WDR1: variants seen among roughly 807,000 people sequenced by gnomAD.
The protein encoded by WDR1 is WD repeat-containing protein 1.
In WDR1, 21 loss-of-function variants were observed where a neutral mutation model predicts 71.9. The observed-to-expected ratio is 0.29, with a 90% confidence interval of 0.21 to 0.42. The LOEUF is 0.42. WDR1 is among the 10% of genes least tolerant of loss of function. WDR1 has a pLI of 1.00. For missense variants in WDR1, 696 were observed against 824.5 expected (o/e 0.84, Z 1.91); for synonymous variants, 424 against 347.4 (o/e 1.22, Z -2.45).
chr4:10,086,255 C>T (rs1024022385), intron 8 of WDR1, among the ~76,000 whole-genome samples: 1 of 152,230 alleles, frequency 6.6e-6, no homozygotes, highest in African/African-American at 2.4e-5. Flanking sequence ...CCATGCTGTG[C>T]GTGCCTTCCT....
At chr4:10,086,839 C>T (rs1052929924) in intron 8 of WDR1, among the ~76,000 whole-genome samples, 8 of 152,206 alleles carry the variant, frequency 5.3e-5, no homozygotes, top group African/African-American at 1.7e-4. Flanking sequence ...GGGCCACCAG[C>T]GCTGGGGGAA....
At chr4:10,097,930 A>T (rs1295137223) in intron 4 of WDR1, 39 bp from the exon 5 acceptor site, 2 of 1,506,396 alleles carry the variant, frequency 1.3e-6, no homozygotes, top group East Asian at 2.4e-5. Flanking sequence ...AAAAAAAAAA[A>T]AAAAAATCAA....
intron 9 of WDR1, chr4:10,083,576 C>T (rs755896273): frequency 5.4e-5 from 26 of 477,074 alleles, no homozygotes; most frequent in Admixed American, 1.6e-4. Flanking sequence ...CCTTGGGTCC[C>T]GGACAGTCCC....
rs1030701749 is a variant in WDR1 at position 10,098,875 on chromosome 4, C to T, written c.377+117G>A. The T allele has an allele frequency of 1.3e-5, 19 of 1,472,448 alleles. No individual in the cohort carries two copies. In the East Asian group the frequency reaches 4.1e-4, roughly 32 times the overall value. 91.2% of individuals were successfully genotyped at this position (1,472,448 alleles called of 1,614,324 possible). A position where few individuals can be genotyped will look rare whatever the true frequency, so the allele number is the denominator to read the frequency against. ...CGGGGCCCGGCACCTACTGGGAGCT[C>T]AACCCTCACGAGTGCAAGTTAGTAC... On this transcript the variant is annotated intron_variant, in intron 4 of 14. Transcript: ENST00000499869.
At chr4:10,110,353 T>C (rs1368775959) in intron 2 of WDR1, among the ~76,000 whole-genome samples, 1 of 152,210 alleles carries the variant, frequency 6.6e-6, no homozygotes, top group Non-Finnish European at 1.5e-5. Context: ...CAACTACTCT[T>C]GGGCAAGGCC....
rs1267768305 is a variant in WDR1, at chr4:10,087,784, G to T, written c.874C>A (p.Leu292Met). 3.7e-6 allele frequency: 6 copies of T among 1,600,096 alleles called. No homozygotes were observed. The highest frequency in any genetic ancestry group is 1.7e-5 in the Admixed American group (1 of 57,974). The stretch of plus-strand genomic sequence containing the variant: ...TACCCGGACAGGGAGACACTGAGCA[G>T]GTGGTCCTTCTGCCATAGGCAGCCC... ...QLGCLWQKDH[L>M]LSVSLSGYIN... Residue 292 changes from leucine to methionine, a missense_variant, in exon 8 of 15, where the codon CTG becomes ATG. By Grantham distance (15) the Leu-to-Met change is conservative. Transcript: ENST00000499869.
rs765236300 is a variant in WDR1, at chr4:10,077,365, G to A, written c.1653C>T (p.Gly551=). Residue 551 remains glycine (G), a synonymous_variant, in exon 14 of 15, where the codon GGC becomes GGT. Coordinates refer to ENST00000499869, the MANE Select transcript of WDR1 (RefSeq NM_017491.5). ...SPDNEHFASG[G]MDMMVYVWTL... is the part of the protein sequence containing the mutation. ...TCCAAACATACACCATCATGTCCATGCCACCGGAGGCAAAGTGTTCATTGT... is the reference window on the plus strand; with the variant it reads ...TCCAAACATACACCATCATGTCCATACCACCGGAGGCAAAGTGTTCATTGT... 6.2e-7 allele frequency: 1 copy of A among 1,613,988 alleles called. No homozygotes were observed. Among genetic ancestry groups the A allele is most frequent in the Non-Finnish European group, 8.5e-7 (1 of 1,179,876 alleles).
chr4:10,116,355 C>A (rs766334645), intron 1 of WDR1, 121 bp from the exon 2 acceptor site: 3 of 1,415,744 alleles, frequency 2.1e-6, no homozygotes, highest in Non-Finnish European at 2.9e-6. Context: ...GGGAGGGCGG[C>A]CTCCACTTTC....
In WDR1 at chr4:10,087,697, C is replaced by T. The variant is rs773122183; in HGVS notation, c.951+10G>A. The stretch of plus-strand genomic sequence containing the variant: ...CCAGCGGGCAGAGCCTTCCCCAGGG[C>T]AGGCCTTACCTTGATGACGTGCAGG... On this transcript the variant is annotated intron_variant, in intron 8 of 14. Transcript: ENST00000499869. The T allele has an allele frequency of 4.1e-5, 64 of 1,573,350 alleles. No homozygotes were observed. Among genetic ancestry groups the T allele is most frequent in the Middle Eastern group, 1.8e-4 (1 of 5,684 alleles).
intron 10 of WDR1, among the ~76,000 whole-genome samples, chr4:10,082,525 C>T (rs1560529887): frequency 6.6e-6 from 1 of 152,240 alleles, no homozygotes; most frequent in Non-Finnish European, 1.5e-5. Context: ...CCTAGCTCCA[C>T]TGACTGCCAA....
chr4:10,103,315 C>T (rs1015789639), intron 3 of WDR1, among the ~76,000 whole-genome samples: 1 of 151,610 alleles, frequency 6.6e-6, no homozygotes, highest in Non-Finnish European at 1.5e-5. Context: ...CACACACACA[C>T]ACACACACGG....
chr4:10,107,136 T>C (rs1713070703), intron 2 of WDR1, among the ~76,000 whole-genome samples: 2 of 152,132 alleles, frequency 1.3e-5, no homozygotes, highest in South Asian at 2.1e-4. Context: ...TCTCCCCATC[T>C]CCCTGGGGGC....
chr4:10,102,042 C>T (rs1248939242), intron 3 of WDR1, among the ~76,000 whole-genome samples: 1 of 152,218 alleles, frequency 6.6e-6, no homozygotes, highest in Non-Finnish European at 1.5e-5. Flanking sequence ...AGACTCCGGG[C>T]CCAACCCTTC....
intron 2 of WDR1, among the ~76,000 whole-genome samples, chr4:10,112,806 A>G (rs1402402325): frequency 6.6e-6 from 1 of 152,230 alleles, no homozygotes; most frequent in Non-Finnish European, 1.5e-5. Flanking sequence ...CTCACTGAGC[A>G]CCTACTGTGT....
In WDR1 at chr4:10,075,085, C is replaced by T. The variant is rs1023566888; in HGVS notation, c.*293G>A. On this transcript the variant is annotated 3_prime_UTR_variant, in exon 15 of 15. Transcript: ENST00000499869. ...GCTCTGTGTGCTTTGGAGGCTACTG[C>T]CTCTGGAATGTTTCGCATTCTCAAG... 5 of 471,996 alleles carry T rather than the reference C, an allele frequency of 1.1e-5. No individual in the cohort carries two copies. The Admixed American group carries it at 1.9e-4, about 18-fold the overall frequency. The allele number at this position is 471,996 out of a possible 1,614,324, so 29.2% of individuals were successfully genotyped here. A position where few individuals can be genotyped will look rare whatever the true frequency, so the allele number is the denominator to read the frequency against.
chr4:10,103,648 T>C (rs1240072284), intron 3 of WDR1, among the ~76,000 whole-genome samples: 5 of 152,182 alleles, frequency 3.3e-5, no homozygotes, highest in Non-Finnish European at 5.9e-5. Flanking sequence ...TGGGCTGCAT[T>C]CGAAGCCATC....
intron 11 of WDR1, among the ~76,000 whole-genome samples, chr4:10,079,687 C>T (rs984531297): frequency 3.3e-5 from 5 of 152,200 alleles, no homozygotes; most frequent in Non-Finnish European, 7.3e-5. Context: ...CCCAGTGTGC[C>T]CCTACCCAAG....
rs1713733408 is a variant in WDR1 at position 10,116,390 on chromosome 4, T to A, written c.17-156A>T. On this transcript the variant is annotated intron_variant, in intron 1 of 14. Transcript: ENST00000499869. ...CCACGAGCGCCAGGAACCGCGCGAC[T>A]TCCTGGTCCGCGCCCCGGGCCAGGC... 4.3e-6 allele frequency: 5 copies of A among 1,157,140 alleles called. No homozygotes were observed. The South Asian group carries it at 7.7e-5, about 18-fold the overall frequency. 71.7% of individuals were successfully genotyped at this position (1,157,140 alleles called of 1,614,324 possible).
At chr4:10,099,756 C>T (rs1712575588) in intron 3 of WDR1, among the ~76,000 whole-genome samples, 1 of 152,272 alleles carries the variant, frequency 6.6e-6, no homozygotes, top group African/African-American at 2.4e-5. Flanking sequence ...CCTGGCAAAT[C>T]AGCAGCCTCA....
Sources: allele counts gnomAD v4.1 joint callset (sites outside exome capture counted in the v4.1 genomes callset), GRCh38; gene constraint gnomAD v4.1.1; transcripts MANE v1.5; gene names NCBI Gene and HGNC (gene_info 2026-07-23, HGNC 2026-07-21).